Variants in FBXO48 observed in about 807,000 individuals in gnomAD.
FBXO48 encodes F-box only protein 48.
In FBXO48, 12 loss-of-function variants were observed where a neutral mutation model predicts 14.3. The observed-to-expected ratio is 0.84, with a 90% CI of 0.54 to 1.36. The LOEUF (loss-of-function observed/expected upper bound fraction) is 1.36. Among genes scored for constraint, FBXO48 ranks in the 40% most tolerant of loss-of-function variants. FBXO48 has a pLI of 0.00. For missense variants in FBXO48, 177 were observed against 179.1 expected, an observed-to-expected ratio of 0.99 and a Z score of 0.07; for synonymous variants, 53 against 61.7, an observed-to-expected ratio of 0.86 and a Z score of 0.66.
Position 68,461,733 on chromosome 2 carries a change from A to T in FBXO48, c.*2476T>A, listed in dbSNP as rs1675269546. The T allele has an allele frequency of 6.6e-6, 1 of 150,560 alleles. No homozygotes were observed. Among genetic ancestry groups the T allele is most frequent in the African/African-American group, 2.5e-5 (1 of 40,502 alleles). 9.3% of individuals were successfully genotyped at this position (150,560 alleles called of 1,614,324 possible). On this transcript the variant is annotated 3_prime_UTR_variant, in exon 4 of 4. Coordinates refer to ENST00000377957, the MANE Select transcript of FBXO48 (RefSeq NM_001024680.3). Reference sequence around the variant, plus strand: ...AAACACGGAGGCTGGGAAAAACAGGATAATGTAAAAAAAAAAAAACAAGAA... The same window carrying T: ...AAACACGGAGGCTGGGAAAAACAGGTTAATGTAAAAAAAAAAAAACAAGAA...
At chr2:68,465,386 A>G in intron 2 of FBXO48, among the ~76,000 whole-genome samples, 1 of 151,980 alleles carries the variant, frequency 6.6e-6, no homozygotes. Context: ...CTACATCTGA[A>G]TTGCACATGG....
At position 68,465,060 on chromosome 2, in the gene FBXO48, T is replaced by C; in HGVS notation, c.86A>G (p.Glu29Gly). 6.2e-7 allele frequency: 1 copy of C among 1,613,938 alleles called. No individual in the cohort carries two copies. Among genetic ancestry groups the C allele is most frequent in the Non-Finnish European group, 8.5e-7 (1 of 1,179,958 alleles). The change falls in exon 3 of 4, where the codon GAG (glutamate) becomes GGG (glycine). Residue 29 changes from glutamate (E) to glycine (G), a missense_variant. Glu to Gly is a moderately conservative substitution (Grantham distance 98). Transcript: ENST00000377957. ...CAGTTCAAAAAAGTTGTTTTGACTC[T>C]CATTTTTTTCCTTCTCAGCATCCAC... ...NSVDAEKEKN[E>G]SQNNFFELLP...
Position 68,467,261 on chromosome 2 carries a change from T to G in FBXO48, c.-411A>C, listed in dbSNP as rs1675447033. 6.5e-6 allele frequency: 1 copy of G among 153,688 alleles called. No individual in the cohort carries two copies. Among genetic ancestry groups the G allele is most frequent in the African/African-American group, 2.4e-5 (1 of 41,536 alleles). The allele number at this position is 153,688 out of a possible 1,614,324, so 9.5% of individuals were successfully genotyped here. The stretch of plus-strand genomic sequence containing the variant: ...CGATTTAAATCCACCGGAATTCGAA[T>G]CCTTCCCCATAGCTCTTCGCATCCC... On this transcript the variant is annotated 5_prime_UTR_variant, in exon 1 of 4. Coordinates refer to ENST00000377957, the MANE Select transcript of FBXO48 (RefSeq NM_001024680.3).
rs990158529 is a variant in FBXO48, at chr2:68,461,749, A to C, written c.*2460T>G. 1.3e-5 allele frequency: 2 copies of C among 151,902 alleles called. No individual in the cohort carries two copies. The highest frequency in any genetic ancestry group is 2.9e-5 in the Non-Finnish European group (2 of 68,158). The allele number at this position is 151,902 out of a possible 1,614,324, so 9.4% of individuals were successfully genotyped here. A position where few individuals can be genotyped will look rare whatever the true frequency, so the allele number is the denominator to read the frequency against. On this transcript the variant is annotated 3_prime_UTR_variant, in exon 4 of 4. Transcript: ENST00000377957. ...AAAAACAGGATAATGTAAAAAAAAA[A>C]AAACAAGAAAACAAAAAACCCAGCT...
rs1006859352 is a variant in FBXO48, at chr2:68,466,224, T to A, written c.-114A>T. ...ACCATCCTTGAGTTACTTTTGTATATAAAGACAGCTTGTATTCACTTAAAA... is the reference window on the plus strand; with the variant it reads ...ACCATCCTTGAGTTACTTTTGTATAAAAAGACAGCTTGTATTCACTTAAAA... On this transcript the variant is annotated 5_prime_UTR_variant, in exon 2 of 4. Transcript: ENST00000377957. 5 of 152,244 alleles carry A rather than the reference T, an allele frequency of 3.3e-5. No individual in the cohort carries two copies. Among genetic ancestry groups the A allele is most frequent in the Admixed American group, 6.5e-5 (1 of 15,290 alleles). 9.4% of individuals were successfully genotyped at this position (152,244 alleles called of 1,614,324 possible). A position where few individuals can be genotyped will look rare whatever the true frequency, so the allele number is the denominator to read the frequency against.
intron 3 of FBXO48, 150 bp from the exon 4 acceptor site, chr2:68,464,520 C>T (rs898654343): frequency 1.7e-5 from 12 of 687,730 alleles, no homozygotes; most frequent in African/African-American, 7.2e-5. Context: ...TGTCTGTGTA[C>T]GTGTGTGTAT....
chr2:68,461,035 C>G lies in FBXO48; in HGVS notation c.*3174G>C, dbSNP rs1301302944. ...CCATATTATAGCAGATTAAGACTGA[C>G]TGGTGAGGAAGTCAGAGTGAAATCT... On this transcript the variant is annotated 3_prime_UTR_variant, in exon 4 of 4. Transcript: ENST00000377957. 6.6e-6 allele frequency: 1 copy of G among 152,142 alleles called. No individual in the cohort carries two copies. The highest frequency in any genetic ancestry group is 1.5e-5 in the Non-Finnish European group (1 of 68,040). The allele number at this position is 152,142 out of a possible 1,614,324, so 9.4% of individuals were successfully genotyped here.
In FBXO48 at chr2:68,462,902, T is replaced by C. The variant is rs1270096772; in HGVS notation, c.*1307A>G. The C allele has an allele frequency of 6.6e-6, 1 of 152,250 alleles. No individual in the cohort carries two copies. Among genetic ancestry groups the C allele is most frequent in the Non-Finnish European group, 1.5e-5 (1 of 68,064 alleles). The allele number at this position is 152,250 out of a possible 1,614,324, so 9.4% of individuals were successfully genotyped here. On this transcript the variant is annotated 3_prime_UTR_variant, in exon 4 of 4. Transcript: ENST00000377957. ...GCAAGCCTAGACTACAACTGGACTGTTCTGTGACATAACAGAGATGCTATT... is the reference window on the plus strand; with the variant it reads ...GCAAGCCTAGACTACAACTGGACTGCTCTGTGACATAACAGAGATGCTATT...
chr2:68,466,461 C>T lies in FBXO48; in HGVS notation c.-351G>A, dbSNP rs1332885029. On this transcript the variant is annotated 5_prime_UTR_variant, in exon 2 of 4. Coordinates refer to ENST00000377957, the MANE Select transcript of FBXO48 (RefSeq NM_001024680.3). ...GGCTGGAACTGCAGTCTGTGTTCAA[C>T]AGAGGTCTTCTTCTTGAGGGTTAGG... The T allele has an allele frequency of 6.6e-6, 1 of 152,022 alleles. No homozygotes were observed. The highest frequency in any genetic ancestry group is 2.4e-5 in the African/African-American group (1 of 41,322). The allele number at this position is 152,022 out of a possible 1,614,324, so 9.4% of individuals were successfully genotyped here.
At position 68,465,083 on chromosome 2, in the gene FBXO48, C is replaced by T; in HGVS notation, c.63G>A (p.Val21=). ...TCTCATTTTTTTCCTTCTCAGCATC[C>T]ACAGAGTTCGCTTCTGTGTGAGAAA... ...LRVSHTEANS[V]DAEKEKNESQ... The change falls in exon 3 of 4, where the codon GTG becomes GTA. Residue 21 remains valine (V), a synonymous_variant. Transcript: ENST00000377957. The T allele has an allele frequency of 2.5e-6, 4 of 1,613,416 alleles. No homozygotes were observed. Among genetic ancestry groups the T allele is most frequent in the Non-Finnish European group, 3.4e-6 (4 of 1,179,646 alleles).
In FBXO48 at chr2:68,462,417, G is replaced by A. The variant is rs1261608051; in HGVS notation, c.*1792C>T. Reference sequence around the variant, plus strand: ...TTGTTGCCCAGGCTGGAGCGCAGTGGCGTGATCTCTGCTCACTGCAACCTC... The same window carrying A: ...TTGTTGCCCAGGCTGGAGCGCAGTGACGTGATCTCTGCTCACTGCAACCTC... On this transcript the variant is annotated 3_prime_UTR_variant, in exon 4 of 4. Coordinates refer to ENST00000377957, the MANE Select transcript of FBXO48 (RefSeq NM_001024680.3). 1 of 152,146 alleles carries A rather than the reference G, an allele frequency of 6.6e-6. No individual in the cohort carries two copies. The highest frequency in any genetic ancestry group is 1.9e-4 in the East Asian group (1 of 5,188). 9.4% of individuals were successfully genotyped at this position (152,146 alleles called of 1,614,324 possible). A position where few individuals can be genotyped will look rare whatever the true frequency, so the allele number is the denominator to read the frequency against.
Position 68,461,287 on chromosome 2 carries a change from C to CTTTTTTTTTTTTTTTT in FBXO48, c.*2906_*2921dup. 1 of 119,628 alleles carries CTTTTTTTTTTTTTTTT rather than the reference C, an allele frequency of 8.4e-6. No homozygotes were observed. Among genetic ancestry groups the CTTTTTTTTTTTTTTTT allele is most frequent in the Admixed American group, 8.1e-5 (1 of 12,322 alleles). The allele number at this position is 119,628 out of a possible 1,614,324, so 7.4% of individuals were successfully genotyped here. On this transcript the variant is annotated 3_prime_UTR_variant, in exon 4 of 4. Coordinates refer to ENST00000377957, the MANE Select transcript of FBXO48 (RefSeq NM_001024680.3). ...CTTACTTAAGATCCGTTTTCGTTTT[C>CTTTTTTTTTTTTTTTT]TTTTTTTTTTTTTTTTTTTTGAGAC...
At position 68,460,205 on chromosome 2, in the gene FBXO48, A is replaced by G. The variant is rs773987003; in HGVS notation, c.*4004T>C. The G allele has an allele frequency of 9.8e-5, 15 of 152,330 alleles. No individual in the cohort carries two copies. Among genetic ancestry groups the G allele is most frequent in the Non-Finnish European group, 1.8e-4 (12 of 68,036 alleles). 9.4% of individuals were successfully genotyped at this position (152,330 alleles called of 1,614,324 possible). ...AAATTTGGGGTTTAACAAAGACTAC[A>G]CTGCTAACAGTAAAAGGAAGGAACT... is the stretch of plus-strand genomic sequence containing the variant. On this transcript the variant is annotated 3_prime_UTR_variant, in exon 4 of 4. Transcript: ENST00000377957.
At chr2:68,464,779 G>T in intron 3 of FBXO48, 61 bp downstream of exon 3, 1 of 1,256,486 alleles carries the variant, frequency 8.0e-7, no homozygotes, top group Non-Finnish European at 1.1e-6. Flanking sequence ...AGTTAGAATT[G>T]GCGCAAACCT....
rs899387248 is a variant in FBXO48, at chr2:68,460,169, GGTGAC to G, written c.*4035_*4039del. On this transcript the variant is annotated 3_prime_UTR_variant, in exon 4 of 4. Transcript: ENST00000377957. ...GTATGCAGTCAGGAGTTTAAGTTAG[GGTGAC>G]GTGCTAAATTTGGGGTTTAACAAAG... The G allele has an allele frequency of 1.3e-5, 2 of 152,088 alleles. No homozygotes were observed. The highest frequency in any genetic ancestry group is 4.8e-5 in the African/African-American group (2 of 41,402). The allele number at this position is 152,088 out of a possible 1,614,324, so 9.4% of individuals were successfully genotyped here.
chr2:68,465,470 T>A (rs1418173713), intron 2 of FBXO48, among the ~76,000 whole-genome samples: 1 of 141,724 alleles, frequency 7.1e-6, no homozygotes, highest in Non-Finnish European at 1.5e-5. Flanking sequence ...CACTGCAGCC[T>A]CAAACTCCAG....
rs558966567 is a variant in FBXO48, at chr2:68,461,261, T to G, written c.*2948A>C. Reference sequence around the variant, plus strand: ...TCTTTCCCCTGGTGGCTCCACATTCTCTTACTTAAGATCCGTTTTCGTTTT... The same window carrying G: ...TCTTTCCCCTGGTGGCTCCACATTCGCTTACTTAAGATCCGTTTTCGTTTT... On this transcript the variant is annotated 3_prime_UTR_variant, in exon 4 of 4. Coordinates refer to ENST00000377957, the MANE Select transcript of FBXO48 (RefSeq NM_001024680.3). 9 of 152,034 alleles carry G rather than the reference T, an allele frequency of 5.9e-5. No individual in the cohort carries two copies. The highest frequency in any genetic ancestry group is 2.2e-4 in the African/African-American group (9 of 41,396). The allele number at this position is 152,034 out of a possible 1,614,324, so 9.4% of individuals were successfully genotyped here.
chr2:68,464,554 G>A (rs111295563), intron 3 of FBXO48, among the ~76,000 whole-genome samples, 184 bp from the exon 4 acceptor site: 1,997 of 152,194 alleles, frequency 0.013, 36 homozygotes, highest in African/African-American at 0.044. Context: ...TATACTGAGT[G>A]GCATAAGGTG....
At chr2:68,465,223 T>C in intron 2 of FBXO48, 45 bp from the exon 3 acceptor site, 1 of 948,522 alleles carries the variant, frequency 1.1e-6, no homozygotes, top group South Asian at 1.7e-5. Flanking sequence ...AATAGGAGTA[T>C]AAATCCTACT....
Sources: allele counts gnomAD v4.1 joint callset (sites outside exome capture counted in the v4.1 genomes callset), GRCh38; gene constraint gnomAD v4.1.1; transcripts MANE v1.5; gene names NCBI Gene and HGNC (gene_info 2026-07-23, HGNC 2026-07-21).